The following CNTNAP3B variants were observed in gnomAD, a reference collection of about 807,000 sequenced individuals.
CNTNAP3B encodes contactin associated protein family member 3B.
CNTNAP3B carries 25 observed loss-of-function variants against 108.9 expected under a neutral mutation model. The observed-to-expected ratio is 0.23, with a 90% confidence interval of 0.17 to 0.32. The LOEUF (loss-of-function observed/expected upper bound fraction) is 0.32, where lower values mean the gene tolerates loss of function less well. Among genes scored for constraint, CNTNAP3B ranks in the 10% least tolerant of loss-of-function variants. The probability of loss-of-function intolerance (pLI) is 1.00; values close to 1 mark genes in which losing one functional copy is unlikely to be tolerated. For missense variants in CNTNAP3B, 252 were observed against 1,210.4 expected (o/e 0.21, Z 11.75); for synonymous variants, 103 against 473.4 (o/e 0.22, Z 10.16).
At chr9:41,962,961 C>CA (rs1285842820) in intron 11 of CNTNAP3B, among the ~76,000 whole-genome samples, 6 of 150,122 alleles carry the variant, frequency 4.0e-5, no homozygotes, top group African/African-American at 5.0e-5. Context: ...TCTCAAAAAA[C>CA]AAAAAACAAA....
chr9:41,926,722 G>C (rs1452497323), intron 15 of CNTNAP3B: 1 of 152,454 alleles, frequency 6.6e-6, no homozygotes, highest in Non-Finnish European at 1.5e-5. Flanking sequence ...CTCCCAAAAA[G>C]AGAAGGGAAT....
chr9:41,940,504 C>T (rs571128452), intron 13 of CNTNAP3B, among the ~76,000 whole-genome samples: 1 of 147,716 alleles, frequency 6.8e-6, no homozygotes, highest in South Asian at 2.1e-4. Context: ...AGAAACTATC[C>T]TTCAAGAATA....
At chr9:42,070,753 C>T (rs562923751) in intron 3 of CNTNAP3B, among the ~76,000 whole-genome samples, 18 of 152,284 alleles carry the variant, frequency 1.2e-4, no homozygotes, top group African/African-American at 4.3e-4. Flanking sequence ...TCTGACCTTC[C>T]TTCTGCCCCC....
rs1827765688 is a variant in CNTNAP3B, at chr9:42,089,133, T to C, written c.197-12071A>G. 3.7e-5 allele frequency among the ~76,000 whole-genome samples: 2 copies of C among 53,498 alleles called. 1 individual carries two copies. Among genetic ancestry groups the C allele is most frequent in the Non-Finnish European group, 7.2e-5 (2 of 27,780 alleles). 35.1% of individuals were successfully genotyped at this position (53,498 alleles called of 152,430 possible). ...CTTGGGACAAGGGTAATCCCAGCTG[T>C]TCAGGGAAAGGGAAAGGGAAAAAGG... On this transcript the variant is annotated intron_variant, in intron 2 of 23. Coordinates refer to ENST00000377561, the MANE Select transcript of CNTNAP3B (RefSeq NM_001201380.3).
chr9:42,051,148 AAGAAG>A (rs1245159620), intron 3 of CNTNAP3B, among the ~76,000 whole-genome samples: 1 of 6,962 alleles, frequency 1.4e-4, no homozygotes, highest in Non-Finnish European at 2.8e-4. Context: ...AAGGAGAGGA[AAGAAG>A]AGAAGAGAAG....
intron 15 of CNTNAP3B, among the ~76,000 whole-genome samples, chr9:41,928,163 C>T: frequency 6.6e-6 from 1 of 152,260 alleles, no homozygotes; most frequent in East Asian, 1.9e-4. Context: ...TGCAAGCTAA[C>T]AATTTAGCTT....
Position 42,038,601 on chromosome 9 carries a change from C to G in CNTNAP3B, c.391-25076G>C, listed in dbSNP as rs1038725449. On this transcript the variant is annotated intron_variant, in intron 3 of 23. Coordinates refer to ENST00000377561, the MANE Select transcript of CNTNAP3B (RefSeq NM_001201380.3). ...CTAACTATCCTAAACATATATGCAC[C>G]CAATACAGGAGCACCCAGATTCATA... Among the ~76,000 whole-genome samples, 61 of 120,512 alleles carry G rather than the reference C, an allele frequency of 5.1e-4. 11 individuals carry two copies. Among genetic ancestry groups the G allele is most frequent in the African/African-American group, 2.0e-3 (59 of 29,150 alleles). The allele number at this position is 120,512 out of a possible 152,430, so 79.1% of individuals were successfully genotyped here.
chr9:42,028,871 AC>A (rs1826457959), intron 3 of CNTNAP3B, among the ~76,000 whole-genome samples: 1 of 151,812 alleles, frequency 6.6e-6, no homozygotes. Context: ...CAAATGGCTA[AC>A]CTCCACCAAA....
intron 2 of CNTNAP3B, among the ~76,000 whole-genome samples, chr9:42,079,781 A>G (rs1375813484): frequency 7.2e-6 from 1 of 138,234 alleles, no homozygotes; most frequent in East Asian, 2.2e-4. Flanking sequence ...CAGCCTCCCA[A>G]AGTGCTGGGA....
intron 9 of CNTNAP3B, among the ~76,000 whole-genome samples, chr9:41,977,664 C>A (rs1476791403): frequency 1.5e-5 from 2 of 130,566 alleles, no homozygotes; most frequent in African/African-American, 3.1e-5. Flanking sequence ...GTCACCCAGG[C>A]TGGAGTGCAG....
At chr9:41,963,707 G>T in intron 11 of CNTNAP3B, among the ~76,000 whole-genome samples, 1 of 151,112 alleles carries the variant, frequency 6.6e-6, no homozygotes, top group Non-Finnish European at 1.5e-5. Context: ...GGGTGCTGCT[G>T]GTGCATGGAC....
At chr9:41,924,439 GAGA>G (rs1403778452) in intron 15 of CNTNAP3B, among the ~76,000 whole-genome samples, 1 of 152,302 alleles carries the variant, frequency 6.6e-6, no homozygotes, top group African/African-American at 2.4e-5. Flanking sequence ...GGTAAGATGT[GAGA>G]AGAAGGGTGG....
rs1263053755 is a variant in CNTNAP3B at position 41,964,610 on chromosome 9, A to T, written c.1684T>A (p.Cys562Ser). ...LPSYCEHGGE[C>S]SQSWDTFSCD... ...GAGAAGGTGTCCCACGACTGGGAAC[A>T]CTCGCCCCCATGCTCACAGTAGCTG... Residue 562 changes from cysteine (C) to serine (S), a missense_variant, in exon 11 of 24, where the codon TGT (cysteine) becomes AGT (serine). By Grantham distance (112) the Cys-to-Ser change is moderately radical. Coordinates refer to ENST00000377561, the MANE Select transcript of CNTNAP3B (RefSeq NM_001201380.3). The T allele has an allele frequency of 6.5e-7, 1 of 1,541,438 alleles. No homozygotes were observed. The highest frequency in any genetic ancestry group is 1.4e-5 in the African/African-American group (1 of 72,606).
chr9:41,964,898 G>C (rs1481771342), intron 10 of CNTNAP3B, among the ~76,000 whole-genome samples: 4 of 152,270 alleles, frequency 2.6e-5, no homozygotes, highest in Admixed American at 2.0e-4. Context: ...TTTGTCCCAA[G>C]TGACACAATA....
intron 13 of CNTNAP3B, among the ~76,000 whole-genome samples, chr9:41,951,259 T>C (rs1436010708): frequency 7.1e-6 from 1 of 140,414 alleles, no homozygotes; most frequent in Non-Finnish European, 1.5e-5. Flanking sequence ...TAAATTATCT[T>C]TTCAAAAGAG....
In CNTNAP3B at chr9:42,082,892, A is replaced by G. The variant is rs1480419580; in HGVS notation, c.197-5830T>C. Among the ~76,000 whole-genome samples, 2 of 140,144 alleles carry G rather than the reference A, an allele frequency of 1.4e-5. 1 individual carries two copies. The highest frequency in any genetic ancestry group is 3.1e-5 in the Non-Finnish European group (2 of 65,154). 91.9% of individuals were successfully genotyped at this position (140,144 alleles called of 152,430 possible). On this transcript the variant is annotated intron_variant, in intron 2 of 23. Transcript: ENST00000377561. ...GTGCAAACACTCCTATTAAATGGCA[A>G]TGATGGTCAGATTAGATGAGAAAGC...
chr9:42,075,011 C>G (rs1032865379), intron 3 of CNTNAP3B, among the ~76,000 whole-genome samples: 14 of 146,372 alleles, frequency 9.6e-5, no homozygotes, highest in Admixed American at 4.1e-4. Flanking sequence ...TCCGGAGGCT[C>G]TAGGGAGGGA....
intron 12 of CNTNAP3B, among the ~76,000 whole-genome samples, chr9:41,955,676 G>A (rs1187857797): frequency 1.3e-5 from 2 of 152,304 alleles, no homozygotes; most frequent in Non-Finnish European, 2.9e-5. Flanking sequence ...GGCTAAATGT[G>A]GAAAGGGGTT....
Position 42,088,985 on chromosome 9 carries a change from G to A in CNTNAP3B, c.197-11923C>T, listed in dbSNP as rs1215569856. On this transcript the variant is annotated intron_variant, in intron 2 of 23. Coordinates refer to ENST00000377561, the MANE Select transcript of CNTNAP3B (RefSeq NM_001201380.3). ...TAATCCCAGCACTTTGGAAGGCCAA[G>A]GTGGGCGAATCCCCTGAGGCCAGGA... Among the ~76,000 whole-genome samples, 5 of 128,818 alleles carry A rather than the reference G, an allele frequency of 3.9e-5. 1 individual carries two copies. The highest frequency in any genetic ancestry group is 1.6e-4 in the African/African-American group (5 of 31,378). 84.5% of individuals were successfully genotyped at this position (128,818 alleles called of 152,430 possible). A position where few individuals can be genotyped will look rare whatever the true frequency, so the allele number is the denominator to read the frequency against.
Sources: gnomAD v4.1 joint callset for allele counts (sites outside exome capture counted in the v4.1 genomes callset) on GRCh38, gnomAD v4.1.1 for gene constraint, MANE v1.5 for transcripts, NCBI Gene and HGNC (gene_info 2026-07-23, HGNC 2026-07-21) for gene names.